PPP6R3: variants seen among roughly 807,000 people sequenced by gnomAD.
PPP6R3 encodes serine/threonine-protein phosphatase 6 regulatory subunit 3.
Under a neutral mutation model 110.7 loss-of-function variants are expected in PPP6R3, and 38 were observed. The observed-to-expected ratio is 0.34, with a 90% confidence interval of 0.26 to 0.45. The LOEUF (loss-of-function observed/expected upper bound fraction) is 0.45. Among genes scored for constraint, PPP6R3 ranks in the 20% least tolerant of loss-of-function variants. The pLI is 1.00. For missense variants in PPP6R3, 870 were observed against 1,062.4 expected (o/e 0.82, Z 2.52); for synonymous variants, 369 against 373.5 (o/e 0.99, Z 0.14).
chr11:68,576,136 A>T, intron 14 of PPP6R3, 93 bp downstream of exon 14: 1 of 867,282 alleles, frequency 1.2e-6, no homozygotes. Flanking sequence ...CATTTACCTC[A>T]GTAACTGTGA....
At chr11:68,501,648 C>A (rs535018156) in intron 1 of PPP6R3, among the ~76,000 whole-genome samples, 1 of 152,176 alleles carries the variant, frequency 6.6e-6, no homozygotes. Context: ...TCTTAAAATG[C>A]GTGTGTATCC....
In PPP6R3 at chr11:68,492,836, CT is replaced by C. The variant is rs1461978530; in HGVS notation, c.-157-26662del. Among the ~76,000 whole-genome samples, 13 of 152,308 alleles carry C rather than the reference CT, an allele frequency of 8.5e-5. No individual in the cohort carries two copies. The East Asian group carries it at 1.2e-3, about 14-fold the overall frequency. On this transcript the variant is annotated intron_variant, in intron 1 of 23. Transcript: ENST00000393800. ...TCAAAGCATTGTTGGTTGCTTAAAT[CT>C]TTCTGGCAGCAAAATCCAGGGAGGT... is the stretch of plus-strand genomic sequence containing the variant.
At chr11:68,587,628 T>C (rs2099582953) in intron 15 of PPP6R3, 2 of 433,928 alleles carry the variant, frequency 4.6e-6, no homozygotes, top group African/African-American at 2.0e-5. Context: ...GTGATCACTT[T>C]AAACTAGGCT....
At chr11:68,517,939 A>C (rs2099145160) in intron 1 of PPP6R3, among the ~76,000 whole-genome samples, 2 of 71,104 alleles carry the variant, frequency 2.8e-5, no homozygotes, top group Admixed American at 1.5e-4. Context: ...CCCTGTCTTC[A>C]AAAAAAAAAA....
chr11:68,471,705 A>G (rs1469413344), intron 1 of PPP6R3, among the ~76,000 whole-genome samples: 1 of 152,120 alleles, frequency 6.6e-6, no homozygotes, highest in Non-Finnish European at 1.5e-5. Flanking sequence ...AAACCACACC[A>G]TTTTTGCAGT....
At chr11:68,551,424 A>G (rs550541122) in intron 6 of PPP6R3, among the ~76,000 whole-genome samples, 1 of 152,330 alleles carries the variant, frequency 6.6e-6, no homozygotes, top group South Asian at 2.1e-4. Context: ...TCTCCTTTCT[A>G]GAGCCGGTAT....
chr11:68,503,926 C>T (rs1457651713), intron 1 of PPP6R3, among the ~76,000 whole-genome samples: 1 of 152,126 alleles, frequency 6.6e-6, no homozygotes, highest in East Asian at 1.9e-4. Context: ...GCATTGTTGA[C>T]CAGGTGTGTG....
At chr11:68,477,296 C>G (rs577521850) in intron 1 of PPP6R3, among the ~76,000 whole-genome samples, 123 of 152,124 alleles carry the variant, frequency 8.1e-4, no homozygotes, top group Non-Finnish European at 1.5e-3. Flanking sequence ...TTGCCATAGT[C>G]TGACTTAGGA....
chr11:68,554,234 C>G lies in PPP6R3; in HGVS notation c.708C>G (p.Asp236Glu). The change falls in exon 7 of 24, where the codon GAC (aspartate) becomes GAG (glutamate). Residue 236 changes from aspartate (D) to glutamate (E), a missense_variant. Asp to Glu is a conservative substitution (Grantham distance 45, BLOSUM62 2). Coordinates refer to ENST00000393800, the MANE Select transcript of PPP6R3 (RefSeq NM_001164161.2). ...AAATTCAGAACAGTACAGAGCCCGA[C>G]CCCCTGCTTGCCACTCTAGAAAAGT... ...MLQIQNSTEPDPLLATLEKQE... is the reference protein window; with the variant it reads ...MLQIQNSTEPEPLLATLEKQE... 1 of 1,612,444 alleles carries G rather than the reference C, an allele frequency of 6.2e-7. No individual in the cohort carries two copies. The highest frequency in any genetic ancestry group is 1.1e-5 in the South Asian group (1 of 90,820).
chr11:68,574,843 T>A (rs188807200), intron 13 of PPP6R3, among the ~76,000 whole-genome samples: 1 of 152,352 alleles, frequency 6.6e-6, no homozygotes. Flanking sequence ...TGGGTTTTTG[T>A]ACCAACAGGA....
At chr11:68,547,024 A>G (rs1025059003) in intron 4 of PPP6R3, among the ~76,000 whole-genome samples, 7 of 152,196 alleles carry the variant, frequency 4.6e-5, no homozygotes, top group Non-Finnish European at 8.8e-5. Flanking sequence ...TAGAGAAGCA[A>G]TGTGTGTTGG....
At position 68,469,122 on chromosome 11, in the gene PPP6R3, G is replaced by A. The variant is rs1293243973; in HGVS notation, c.-158+8295G>A. On this transcript the variant is annotated intron_variant, in intron 1 of 23. Coordinates refer to ENST00000393800, the MANE Select transcript of PPP6R3 (RefSeq NM_001164161.2). ...TTAGTAAATATTTTAGGCATTGGAG[G>A]CTAAATGGTCTCTGCAAGGACTCAT... Among the ~76,000 whole-genome samples, 2 of 152,216 alleles carry A rather than the reference G, an allele frequency of 1.3e-5. 1 individual carries two copies. Among genetic ancestry groups the A allele is most frequent in the South Asian group, 4.1e-4 (2 of 4,834 alleles).
chr11:68,594,721 A>G (rs1159837675), intron 18 of PPP6R3, among the ~76,000 whole-genome samples: 1 of 152,212 alleles, frequency 6.6e-6, no homozygotes, highest in African/African-American at 2.4e-5. Context: ...TGTAGCTATT[A>G]ACAAGCTGCT....
chr11:68,602,071 A>C, intron 21 of PPP6R3, 102 bp downstream of exon 21: 1 of 877,908 alleles, frequency 1.1e-6, no homozygotes, highest in Non-Finnish European at 1.7e-6. Flanking sequence ...CGGGAGTGAG[A>C]TGGTGGGTCT....
chr11:68,603,208 C>T, intron 21 of PPP6R3, 134 bp from the exon 22 acceptor site: 1 of 1,152,904 alleles, frequency 8.7e-7, no homozygotes, highest in South Asian at 1.5e-5. Flanking sequence ...CAGACAACAG[C>T]AGGCAGAAGC....
intron 18 of PPP6R3, among the ~76,000 whole-genome samples, chr11:68,592,634 C>G (rs370359930): frequency 6.6e-6 from 1 of 152,110 alleles, no homozygotes; most frequent in African/African-American, 2.4e-5. Flanking sequence ...GCTGTTAGAC[C>G]GGGCATCTTT....
intron 7 of PPP6R3, among the ~76,000 whole-genome samples, chr11:68,557,605 G>A (rs1405651660): frequency 6.6e-6 from 1 of 152,014 alleles, no homozygotes; most frequent in African/African-American, 2.4e-5. Context: ...CGCAACCTCT[G>A]CCTGCTGGGT....
At chr11:68,612,682 A>AATCT (rs1012227986) in intron 23 of PPP6R3, among the ~76,000 whole-genome samples, 4 of 152,028 alleles carry the variant, frequency 2.6e-5, no homozygotes, top group Non-Finnish European at 4.4e-5. Flanking sequence ...TGTGGATTCC[A>AATCT]ATCTGTGGGT....
chr11:68,571,192 G>A, intron 12 of PPP6R3, 88 bp downstream of exon 12: 1 of 1,460,434 alleles, frequency 6.8e-7, no homozygotes, highest in Non-Finnish European at 9.1e-7. Context: ...GAAAAAAATG[G>A]AAATAATTAC....
Sources: allele counts gnomAD v4.1 joint callset (sites outside exome capture counted in the v4.1 genomes callset), GRCh38; gene constraint gnomAD v4.1.1; transcripts MANE v1.5; gene names NCBI Gene and HGNC (gene_info 2026-07-23, HGNC 2026-07-21).